SCN11A: variants seen among roughly 807,000 people sequenced by gnomAD.
SCN11A encodes sodium voltage-gated channel alpha subunit 11, also known as sodium channel protein type 11 subunit alpha.
In SCN11A, 122 loss-of-function variants were observed where a neutral mutation model predicts 162.2. The ratio of observed to expected loss-of-function variants is 0.75; its 90% CI spans 0.65 to 0.87. The LOEUF is 0.87. SCN11A is among the 40% of genes least tolerant of loss of function. The probability of loss-of-function intolerance (pLI) is 0.00; values close to 1 mark genes in which losing one functional copy is unlikely to be tolerated. For missense variants in SCN11A, 2,015 were observed against 2,181.6 expected, an observed-to-expected ratio of 0.92 and a Z score of 1.52; for synonymous variants, 758 against 751.5, an observed-to-expected ratio of 1.01 and a Z score of -0.14.
At chr3:38,982,204 C>T (rs1465676525) in intron 2 of SCN11A, among the ~76,000 whole-genome samples, 1 of 152,114 alleles carries the variant, frequency 6.6e-6, no homozygotes, top group Non-Finnish European at 1.5e-5. Context: ...CCAACTTGGG[C>T]CAACCCTGGC....
chr3:38,991,726 C>A (rs2030459820), intron 2 of SCN11A, among the ~76,000 whole-genome samples: 1 of 152,118 alleles, frequency 6.6e-6, no homozygotes, highest in South Asian at 2.1e-4. Context: ...TTATAACTGG[C>A]CTGCTTGCTT....
chr3:38,975,420 T>C (rs901038057), intron 2 of SCN11A, among the ~76,000 whole-genome samples: 2 of 152,184 alleles, frequency 1.3e-5, no homozygotes, highest in Non-Finnish European at 2.9e-5. Context: ...GAAGGTAAGC[T>C]GGAAATAAAA....
chr3:38,971,112 A>G (rs1418435943), intron 2 of SCN11A, among the ~76,000 whole-genome samples: 1 of 150,772 alleles, frequency 6.6e-6, no homozygotes, highest in African/African-American at 2.4e-5. Flanking sequence ...GTGCATTCAC[A>G]CTCACCCATA....
At chr3:39,004,215 A>G (rs7620086) in intron 2 of SCN11A, among the ~76,000 whole-genome samples, 72,958 of 152,074 alleles carry the variant, frequency 0.48, 21,382 homozygotes, top group African/African-American at 0.84. Context: ...TAAGGAAGGG[A>G]TCCAGCTTCA....
chr3:38,993,543 G>A (rs546078853), intron 2 of SCN11A, among the ~76,000 whole-genome samples: 46 of 152,056 alleles, frequency 3.0e-4, no homozygotes, highest in Non-Finnish European at 4.7e-4. Flanking sequence ...TGTGTTGATC[G>A]TAACATCAGG....
chr3:39,013,092 T>C (rs1195680165), intron 2 of SCN11A, among the ~76,000 whole-genome samples: 1 of 152,172 alleles, frequency 6.6e-6, no homozygotes, highest in Non-Finnish European at 1.5e-5. Flanking sequence ...AAATACCAGG[T>C]GACAGTTTGC....
intron 1 of SCN11A, among the ~76,000 whole-genome samples, chr3:39,042,974 A>AGAAAAG (rs572798409): frequency 9.6e-6 from 1 of 103,662 alleles, no homozygotes; most frequent in Non-Finnish European, 1.8e-5. Context: ...AAAAAAAAAA[A>AGAAAAG]AAAAAGAAAA....
chr3:39,001,078 G>T (rs2030797072), intron 2 of SCN11A, among the ~76,000 whole-genome samples: 1 of 152,080 alleles, frequency 6.6e-6, no homozygotes, highest in Admixed American at 6.5e-5. Flanking sequence ...TATGCCAAAT[G>T]GTTCTTGGTT....
intron 18 of SCN11A, 27 bp from the exon 19 acceptor site, chr3:38,894,991 A>G (rs1418030111): frequency 9.0e-6 from 14 of 1,557,616 alleles, no homozygotes; most frequent in Non-Finnish European, 9.5e-6. Context: ...TAGCAAGAAG[A>G]AAGGAAAGTT....
At chr3:38,951,193 C>A (rs2066608592) in intron 4 of SCN11A, among the ~76,000 whole-genome samples, 1 of 152,232 alleles carries the variant, frequency 6.6e-6, no homozygotes, top group South Asian at 2.1e-4. Context: ...CCGGCGCTTG[C>A]GGGCCAGCTG....
chr3:39,046,930 T>G (rs1427091270), intron 1 of SCN11A, among the ~76,000 whole-genome samples: 1 of 151,046 alleles, frequency 6.6e-6, no homozygotes, highest in Non-Finnish European at 1.5e-5. Flanking sequence ...CACGTTGCCC[T>G]GTTTGGTCTT....
intron 1 of SCN11A, among the ~76,000 whole-genome samples, chr3:39,038,677 C>T (rs137973295): frequency 1.1e-3 from 170 of 152,296 alleles, no homozygotes; most frequent in African/African-American, 3.8e-3. Context: ...CATCCATCAC[C>T]AAGTCTAGTT....
chr3:38,858,306 A>C (rs2064905967), intron 28 of SCN11A, among the ~76,000 whole-genome samples: 1 of 152,176 alleles, frequency 6.6e-6, no homozygotes, highest in African/African-American at 2.4e-5. Flanking sequence ...TATAAACTTA[A>C]GGTAAAGGGT....
At chr3:38,877,733 T>C (rs1338240989) in intron 23 of SCN11A, among the ~76,000 whole-genome samples, 3 of 123,374 alleles carry the variant, frequency 2.4e-5, no homozygotes, top group Non-Finnish European at 4.9e-5. Context: ...ATATATATGG[T>C]ATATATATGG....
chr3:38,928,341 G>T (rs1197941516), intron 7 of SCN11A, among the ~76,000 whole-genome samples: 1 of 152,056 alleles, frequency 6.6e-6, no homozygotes, highest in Non-Finnish European at 1.5e-5. Flanking sequence ...ATGGACACAG[G>T]GAGGGGAACA....
chr3:38,965,456 C>T (rs2066775813), intron 2 of SCN11A, among the ~76,000 whole-genome samples: 1 of 152,110 alleles, frequency 6.6e-6, no homozygotes, highest in Non-Finnish European at 1.5e-5. Flanking sequence ...GCCCTTCTCA[C>T]CTCTCATCTT....
intron 1 of SCN11A, among the ~76,000 whole-genome samples, chr3:39,034,470 G>A (rs567545208): frequency 7.9e-5 from 12 of 152,122 alleles, no homozygotes; most frequent in Non-Finnish European, 1.5e-4. Flanking sequence ...CACAGTAAAA[G>A]CCATATACAA....
chr3:38,918,312 G>T (rs1015497137), intron 11 of SCN11A, among the ~76,000 whole-genome samples: 6 of 152,178 alleles, frequency 3.9e-5, no homozygotes, highest in African/African-American at 1.4e-4. Context: ...AGCAGTACTG[G>T]TTCATGGCCT....
chr3:38,939,903 C>CA (rs1303591941), intron 7 of SCN11A, among the ~76,000 whole-genome samples: 182 of 122,950 alleles, frequency 1.5e-3, no homozygotes, highest in Middle Eastern at 4.7e-3. Flanking sequence ...AACCCCATCT[C>CA]AAAAAAAAAA....
Sources: allele counts gnomAD v4.1 joint callset (sites outside exome capture counted in the v4.1 genomes callset), GRCh38; gene constraint gnomAD v4.1.1; transcripts MANE v1.5; gene names NCBI Gene and HGNC (gene_info 2026-07-23, HGNC 2026-07-21).